Variants in DNAH11 observed in about 807,000 individuals in gnomAD.
DNAH11 encodes the protein axonemal beta dynein heavy chain 11.
A neutral mutation model predicts 526.0 loss-of-function variants in DNAH11; 442 were observed. That is an observed-to-expected ratio of 0.84 (90% CI 0.78 to 0.91). The LOEUF is 0.91. Ranked by LOEUF, DNAH11 falls within the 40% of genes least tolerant of loss-of-function variation. DNAH11 has a pLI of 0.00. For missense variants in DNAH11, 6,989 were observed against 5,448.7 expected (o/e 1.28, Z -8.90); for synonymous variants, 2,461 against 1,935.9 (o/e 1.27, Z -7.12).
intron 23 of DNAH11, 122 bp downstream of exon 23, chr7:21,617,899 G>A (rs996105451): frequency 1.9e-6 from 2 of 1,075,112 alleles, no homozygotes; most frequent in Non-Finnish European, 2.5e-6. Context: ...GCCTCTACTT[G>A]CTGTGTTATG....
intron 5 of DNAH11, among the ~76,000 whole-genome samples, chr7:21,561,987 A>T (rs1388294263): frequency 1.3e-5 from 2 of 152,188 alleles, no homozygotes; most frequent in African/African-American, 4.8e-5. Context: ...GGTTTTCTGC[A>T]TGAATTCTGT....
At chr7:21,617,573 T>A in intron 22 of DNAH11, 46 bp from the exon 23 acceptor site, 8 of 1,599,830 alleles carry the variant, frequency 5.0e-6, no homozygotes, top group Non-Finnish European at 6.8e-6. Context: ...TAATATATAC[T>A]GTGTTATATC....
intron 18 of DNAH11, among the ~76,000 whole-genome samples, chr7:21,605,742 C>T (rs1486535949): frequency 1.3e-5 from 2 of 152,196 alleles, no homozygotes; most frequent in Non-Finnish European, 2.9e-5. Context: ...CTAAACATGG[C>T]TGGCTTCCAT....
intron 45 of DNAH11, among the ~76,000 whole-genome samples, chr7:21,731,737 A>C (rs142654477): frequency 6.6e-6 from 1 of 152,334 alleles, no homozygotes; most frequent in Non-Finnish European, 1.5e-5. Context: ...TTGCACACTG[A>C]TCTGAGTAGC....
chr7:21,831,741 C>T (rs1321315508), intron 65 of DNAH11, among the ~76,000 whole-genome samples: 1 of 152,122 alleles, frequency 6.6e-6, no homozygotes, highest in Admixed American at 6.5e-5. Flanking sequence ...GGAAGTCATC[C>T]ATGAAGCATC....
intron 35 of DNAH11, among the ~76,000 whole-genome samples, chr7:21,694,823 A>G (rs935811530): frequency 6.6e-6 from 1 of 152,208 alleles, no homozygotes; most frequent in African/African-American, 2.4e-5. Context: ...CCAACAGTGT[A>G]AAAGCATTCC....
chr7:21,653,416 C>T lies in DNAH11; in HGVS notation c.4945-2416C>T, dbSNP rs117189357. On this transcript the variant is annotated intron_variant, in intron 28 of 81. Transcript: ENST00000409508. ...ATGTATAAGAAATAGGAGAACTCTG[C>T]CTAAGATTTGTGTTTCCTGGTCATT... is the stretch of plus-strand genomic sequence containing the variant. Among the ~76,000 whole-genome samples the T allele has an allele frequency of 1.7e-3, 255 of 152,190 alleles. 1 individual carries two copies. The highest frequency in any genetic ancestry group is 3.7e-3 in the Admixed American group (56 of 15,284).
At chr7:21,546,056 T>C (rs1048782935) in intron 2 of DNAH11, among the ~76,000 whole-genome samples, 7 of 152,242 alleles carry the variant, frequency 4.6e-5, no homozygotes, top group Admixed American at 1.3e-4. Context: ...GGGTTAGATA[T>C]CTGTCTACAA....
At chr7:21,854,572 C>T (rs1385544639) in intron 68 of DNAH11, 117 bp downstream of exon 68, 13 of 1,142,512 alleles carry the variant, frequency 1.1e-5, no homozygotes, top group Non-Finnish European at 1.5e-5. Context: ...ATTATTGAGA[C>T]AGAGTCTCAC....
chr7:21,872,421 G>A (rs1014243139), intron 73 of DNAH11, among the ~76,000 whole-genome samples: 2 of 152,096 alleles, frequency 1.3e-5, no homozygotes, highest in Non-Finnish European at 2.9e-5. Flanking sequence ...CTCATTCTCT[G>A]TATTTTTGTA....
At chr7:21,565,122 T>G (rs908966848) in intron 6 of DNAH11, among the ~76,000 whole-genome samples, 22 of 152,168 alleles carry the variant, frequency 1.4e-4, no homozygotes, top group Admixed American at 6.5e-4. Context: ...AGGTTAAACA[T>G]CAGAAATTTA....
intron 46 of DNAH11, among the ~76,000 whole-genome samples, chr7:21,737,510 C>G (rs968137585): frequency 2.0e-5 from 3 of 152,164 alleles, no homozygotes; most frequent in African/African-American, 7.2e-5. Context: ...AAGGAACTGA[C>G]AAGGTGGGCA....
intron 73 of DNAH11, among the ~76,000 whole-genome samples, chr7:21,872,540 G>A (rs1783543639): frequency 6.6e-6 from 1 of 152,092 alleles, no homozygotes; most frequent in Non-Finnish European, 1.5e-5. Flanking sequence ...GAACATGTAA[G>A]GTGCAGCCTT....
At position 21,710,548 on chromosome 7, in the gene DNAH11, A is replaced by G. The variant is rs751252730; in HGVS notation, c.6684-5A>G. On this transcript the variant is annotated splice_polypyrimidine_tract_variant and splice_region_variant and intron_variant, in intron 40 of 81. Transcript: ENST00000409508. ...TAAACAGCACTCAACTACATTATAT[A>G]TTAGGATTGTTTACTCTTATTTTAT... The G allele has an allele frequency of 8.8e-6, 14 of 1,597,976 alleles. No homozygotes were observed. Among genetic ancestry groups the G allele is most frequent in the Non-Finnish European group, 1.2e-5 (14 of 1,167,954 alleles).
chr7:21,595,663 G>A (rs777408155), intron 14 of DNAH11, among the ~76,000 whole-genome samples: 5 of 152,138 alleles, frequency 3.3e-5, no homozygotes, highest in Non-Finnish European at 5.9e-5. Context: ...AATTTGAGGT[G>A]TTAATTAGCC....
At chr7:21,616,391 C>T (rs373438910) in intron 22 of DNAH11, 99 bp downstream of exon 22, 61 of 885,044 alleles carry the variant, frequency 6.9e-5, no homozygotes, top group Middle Eastern at 2.2e-4. Context: ...GCTGCATGTA[C>T]TTATTTACTT....
At position 21,862,239 on chromosome 7, in the gene DNAH11, G is replaced by A. The variant is rs182786734; in HGVS notation, c.11373+216G>A. Among the ~76,000 whole-genome samples the A allele has an allele frequency of 4.6e-5, 7 of 151,832 alleles. No individual in the cohort carries two copies. In the South Asian group the frequency reaches 1.0e-3, roughly 23 times the overall value. Reference sequence around the variant, plus strand: ...GTGCTTTGGTTTGGGGAGTGGGGCCGGTGGGGTGGGTATACACATTATGCT... The same window carrying A: ...GTGCTTTGGTTTGGGGAGTGGGGCCAGTGGGGTGGGTATACACATTATGCT... On this transcript the variant is annotated intron_variant, in intron 69 of 81. Transcript: ENST00000409508.
chr7:21,900,886 T>TG, intron 81 of DNAH11, 121 bp from the exon 82 acceptor site: 1 of 1,466,614 alleles, frequency 6.8e-7, no homozygotes, highest in South Asian at 1.6e-5. Flanking sequence ...AAAATACCAC[T>TG]GACAAGCAAA....
chr7:21,565,566 T>A (rs1373616792), intron 6 of DNAH11, among the ~76,000 whole-genome samples: 1 of 152,186 alleles, frequency 6.6e-6, no homozygotes, highest in East Asian at 1.9e-4. Context: ...ATATTTTTCA[T>A]CTCTCTTCCC....
Sources: gnomAD v4.1 joint callset for allele counts (sites outside exome capture counted in the v4.1 genomes callset) on GRCh38, gnomAD v4.1.1 for gene constraint, MANE v1.5 for transcripts, NCBI Gene and HGNC (gene_info 2026-07-23, HGNC 2026-07-21) for gene names.